KALRN: variants seen among roughly 807,000 people sequenced by gnomAD.
The protein encoded by KALRN is kalirin.
Under a neutral mutation model 353.7 loss-of-function variants are expected in KALRN, and 70 were observed. The observed-to-expected ratio is 0.20, with a 90% CI of 0.16 to 0.24. The LOEUF (loss-of-function observed/expected upper bound fraction) is 0.24, where lower values mean the gene tolerates loss of function less well. Among genes scored for constraint, KALRN ranks in the 10% least tolerant of loss-of-function variants. KALRN has a pLI of 1.00. For synonymous variants in KALRN, 1,391 were observed against 1,434.8 expected, an observed-to-expected ratio of 0.97 and a Z score of 0.69; for missense variants, 2,791 against 3,756.7, an observed-to-expected ratio of 0.74 and a Z score of 6.72.
At chr3:124,703,643 T>C (rs898774579) in intron 57 of KALRN, among the ~76,000 whole-genome samples, 1 of 151,764 alleles carries the variant, frequency 6.6e-6, no homozygotes. Flanking sequence ...CTTTTTGTCT[T>C]CTTTTTTCTC....
chr3:124,708,417 G>C (rs1417142775), intron 57 of KALRN, among the ~76,000 whole-genome samples: 1 of 152,160 alleles, frequency 6.6e-6, no homozygotes, highest in Non-Finnish European at 1.5e-5. Context: ...AAAGATAGAA[G>C]TTATTGACAG....
rs1369624848 is a variant in KALRN at position 124,671,756 on chromosome 3, ACTC to A, written c.6804_6806del (p.Ser2269del). 2 of 1,613,688 alleles carry A rather than the reference ACTC, an allele frequency of 1.2e-6. No individual in the cohort carries two copies. The highest frequency in any genetic ancestry group is 1.7e-6 in the Non-Finnish European group (2 of 1,179,914). ...CTTCCCCAAGCCAGCCCCAGGCCCT[ACTC>A]CTCTGTTCCTGCGGGCTCAGAGAAG... On this transcript the variant is annotated inframe_deletion, in exon 48 of 60. Coordinates refer to ENST00000682506, the MANE Select transcript of KALRN (RefSeq NM_001388419.1).
intron 13 of KALRN, among the ~76,000 whole-genome samples, chr3:124,407,053 C>A (rs1314922448): frequency 2.0e-5 from 3 of 151,942 alleles, no homozygotes; most frequent in South Asian, 2.1e-4. Flanking sequence ...AGGCTGGTCT[C>A]AAACTCCTGA....
At chr3:124,686,579 T>C (rs2061567140) in intron 51 of KALRN, among the ~76,000 whole-genome samples, 1 of 152,042 alleles carries the variant, frequency 6.6e-6, no homozygotes. Context: ...AGCAGGTATA[T>C]GGTCTGAGTA....
intron 47 of KALRN, among the ~76,000 whole-genome samples, chr3:124,669,958 A>AT: frequency 7.3e-6 from 1 of 136,704 alleles, no homozygotes; most frequent in African/African-American, 2.8e-5. Flanking sequence ...TCCCCCATAT[A>AT]TTTTCTTTTT....
At chr3:124,043,303 T>C (rs2040133511) in intron 1 of KALRN, among the ~76,000 whole-genome samples, 1 of 151,760 alleles carries the variant, frequency 6.6e-6, no homozygotes, top group South Asian at 2.1e-4. Context: ...AGCAAGGTAG[T>C]TGGAGATGGG....
intron 25 of KALRN, among the ~76,000 whole-genome samples, chr3:124,463,644 A>G (rs2060056857): frequency 6.6e-6 from 1 of 152,222 alleles, no homozygotes; most frequent in Non-Finnish European, 1.5e-5. Context: ...ATAGACCACA[A>G]GTAGCAAGTG....
At chr3:124,247,769 A>G (rs1006641481) in intron 3 of KALRN, among the ~76,000 whole-genome samples, 1 of 152,166 alleles carries the variant, frequency 6.6e-6, no homozygotes, top group Non-Finnish European at 1.5e-5. Flanking sequence ...ATGGAAGATG[A>G]GTACAAGAAA....
intron 5 of KALRN, among the ~76,000 whole-genome samples, chr3:124,283,802 C>CTGCA (rs1295023061): frequency 2.5e-5 from 3 of 121,096 alleles, no homozygotes; most frequent in Non-Finnish European, 6.0e-5. Context: ...AGCTGCTGAA[C>CTGCA]TGCAGCTCAT....
At chr3:124,492,022 A>C (rs2063215585) in intron 31 of KALRN, among the ~76,000 whole-genome samples, 1 of 152,148 alleles carries the variant, frequency 6.6e-6, no homozygotes, top group Admixed American at 6.6e-5. Context: ...CAGTGATGTT[A>C]GCCTGTCTGA....
At chr3:124,527,384 A>T (rs2067676635) in intron 33 of KALRN, among the ~76,000 whole-genome samples, 1 of 152,054 alleles carries the variant, frequency 6.6e-6, no homozygotes, top group African/African-American at 2.4e-5. Context: ...CCAAGGCAGG[A>T]GGATCATGAG....
intron 6 of KALRN, among the ~76,000 whole-genome samples, chr3:124,316,969 C>A (rs2078872741): frequency 6.6e-6 from 1 of 152,212 alleles, no homozygotes; most frequent in Non-Finnish European, 1.5e-5. Context: ...AGAAAATGAC[C>A]TGTTCCTCAG....
intron 33 of KALRN, among the ~76,000 whole-genome samples, chr3:124,558,771 T>G (rs1341639841): frequency 6.6e-6 from 1 of 152,214 alleles, no homozygotes; most frequent in Non-Finnish European, 1.5e-5. Flanking sequence ...GGTGAGGAGC[T>G]GCAGAGCCCA....
intron 10 of KALRN, among the ~76,000 whole-genome samples, chr3:124,351,238 C>A (rs2082802439): frequency 2.6e-5 from 4 of 152,124 alleles, no homozygotes; most frequent in Admixed American, 2.0e-4. Flanking sequence ...GTAAGAAGAT[C>A]AATGACAGAA....
chr3:124,423,635 G>A (rs1423209661), intron 15 of KALRN, among the ~76,000 whole-genome samples: 2 of 152,172 alleles, frequency 1.3e-5, no homozygotes, highest in African/African-American at 2.4e-5. Flanking sequence ...CAACACTTTG[G>A]GAGGCCAAGG....
At chr3:124,042,909 A>G (rs2040098395) in intron 1 of KALRN, among the ~76,000 whole-genome samples, 1 of 152,198 alleles carries the variant, frequency 6.6e-6, no homozygotes, top group Admixed American at 6.5e-5. Context: ...AATAGATGAT[A>G]TAATAAATGA....
chr3:124,098,014 G>T (rs953364723), intron 1 of KALRN, among the ~76,000 whole-genome samples: 9 of 152,198 alleles, frequency 5.9e-5, no homozygotes, highest in Non-Finnish European at 1.3e-4. Context: ...GTATATAAAA[G>T]AAGTCACATT....
chr3:124,375,074 C>T (rs2086401384), intron 10 of KALRN, among the ~76,000 whole-genome samples: 1 of 152,114 alleles, frequency 6.6e-6, no homozygotes, highest in South Asian at 2.1e-4. Context: ...TGTTCCCCTT[C>T]ATTGTTTTGC....
intron 11 of KALRN, among the ~76,000 whole-genome samples, chr3:124,390,007 AG>A (rs1347580380): frequency 6.6e-6 from 1 of 152,200 alleles, no homozygotes; most frequent in East Asian, 1.9e-4. Flanking sequence ...ATACATCCAG[AG>A]CCTCCACTAC....
Sources: allele counts gnomAD v4.1 joint callset (sites outside exome capture counted in the v4.1 genomes callset), GRCh38; gene constraint gnomAD v4.1.1; transcripts MANE v1.5; gene names NCBI Gene and HGNC (gene_info 2026-07-23, HGNC 2026-07-21).